Variants in MROH9 observed in about 807,000 individuals in gnomAD.
MROH9 encodes maestro heat like repeat family member 9.
A neutral mutation model predicts 98.2 loss-of-function variants in MROH9; 92 were observed. The ratio of observed to expected loss-of-function variants is 0.94; its 90% CI spans 0.79 to 1.11. MROH9 has a LOEUF of 1.11. Among genes scored for constraint, MROH9 ranks in the 50% most tolerant of loss-of-function variants. MROH9 has a pLI of 0.00. For synonymous variants in MROH9, 397 were observed against 368.9 expected, an observed-to-expected ratio of 1.08 and a Z score of -0.87; for missense variants, 1,057 against 1,014.8, an observed-to-expected ratio of 1.04 and a Z score of -0.57.
intron 1 of MROH9, among the ~76,000 whole-genome samples, chr1:170,941,245 C>T (rs1007601128): frequency 1.3e-5 from 2 of 152,134 alleles, no homozygotes; most frequent in Non-Finnish European, 2.9e-5. Context: ...GGCCATAGGT[C>T]CCTTTGTGGC....
chr1:170,945,526 T>C lies in MROH9; in HGVS notation c.-31T>C. On this transcript the variant is annotated 5_prime_UTR_variant, in exon 2 of 22. Coordinates refer to ENST00000367759, the MANE Select transcript of MROH9 (RefSeq NM_001163629.2). The stretch of plus-strand genomic sequence containing the variant: ...TACGTGATATTTTTTGCAGCATTAC[T>C]AGTAGAAGACTTTAATACACCTCTG... 1 of 1,611,450 alleles carries C rather than the reference T, an allele frequency of 6.2e-7. No individual in the cohort carries two copies. The highest frequency in any genetic ancestry group is 2.2e-5 in the East Asian group (1 of 44,760).
chr1:170,993,559 A>G (rs895307612), intron 12 of MROH9, among the ~76,000 whole-genome samples: 1 of 152,188 alleles, frequency 6.6e-6, no homozygotes, highest in Non-Finnish European at 1.5e-5. Flanking sequence ...AGATTTCTGC[A>G]TGCCAAAACA....
chr1:170,970,202 G>A, intron 7 of MROH9, among the ~76,000 whole-genome samples: 1 of 152,132 alleles, frequency 6.6e-6, no homozygotes, highest in East Asian at 1.9e-4. Context: ...AATCAGAGAG[G>A]ACATTTGAGG....
chr1:171,056,363 CTG>C lies in MROH9; in HGVS notation c.2282-5766_2282-5765del, dbSNP rs569350215. On this transcript the variant is annotated intron_variant, in intron 20 of 21. Transcript: ENST00000367759. ...TGTCCCCAACAGCCCAACATACCAG[CTG>C]TGGAAGACTGCAGCCAGAGGACCTC... Among the ~76,000 whole-genome samples the C allele has an allele frequency of 2.9e-4, 44 of 152,308 alleles. No individual in the cohort carries two copies. The South Asian group carries it at 8.7e-3, about 30-fold the overall frequency.
chr1:170,975,905 T>C (rs1650666198), intron 8 of MROH9, among the ~76,000 whole-genome samples: 1 of 152,202 alleles, frequency 6.6e-6, no homozygotes, highest in Non-Finnish European at 1.5e-5. Flanking sequence ...TTTATGTAAA[T>C]GCCCTTTTTT....
intron 3 of MROH9, among the ~76,000 whole-genome samples, chr1:170,957,837 C>T (rs61815219): frequency 0.071 from 10,308 of 144,606 alleles, 497 homozygotes; most frequent in Non-Finnish European, 0.098. Flanking sequence ...GAGACAGAGT[C>T]TCTCTCTGTC....
intron 15 of MROH9, among the ~76,000 whole-genome samples, chr1:171,010,335 G>T (rs543593761): frequency 2.3e-3 from 354 of 152,222 alleles, no homozygotes; most frequent in African/African-American, 7.9e-3. Flanking sequence ...CCAGTCTATT[G>T]TTGATGGACA....
intron 16 of MROH9, among the ~76,000 whole-genome samples, chr1:171,015,419 G>A (rs1219249754): frequency 6.6e-6 from 1 of 152,078 alleles, no homozygotes; most frequent in East Asian, 1.9e-4. Flanking sequence ...ATATACTGTT[G>A]GTAAAGACAC....
intron 3 of MROH9, among the ~76,000 whole-genome samples, chr1:170,955,320 G>C (rs28843529): frequency 0.85 from 129,700 of 152,106 alleles, 55,787 homozygotes; most frequent in Middle Eastern, 0.98. Flanking sequence ...TTCTTTTCAT[G>C]TGGGTAGATA....
intron 6 of MROH9, among the ~76,000 whole-genome samples, chr1:170,962,244 G>A (rs1242570634): frequency 6.6e-6 from 1 of 152,128 alleles, no homozygotes; most frequent in Non-Finnish European, 1.5e-5. Context: ...AACACAGTTT[G>A]AAGTAGCAGA....
intron 20 of MROH9, among the ~76,000 whole-genome samples, chr1:171,052,760 G>C (rs1571170444): frequency 6.6e-6 from 1 of 152,312 alleles, no homozygotes; most frequent in East Asian, 1.9e-4. Context: ...AGCAAAGAAA[G>C]TGCCACAGCA....
chr1:171,005,025 A>T (rs1651909456), intron 15 of MROH9, among the ~76,000 whole-genome samples: 1 of 151,620 alleles, frequency 6.6e-6, no homozygotes, highest in South Asian at 2.1e-4. Flanking sequence ...TGGAATTTTG[A>T]TGAAGATTAC....
At chr1:171,007,264 G>C (rs573798018) in intron 15 of MROH9, among the ~76,000 whole-genome samples, 90 of 152,292 alleles carry the variant, frequency 5.9e-4, no homozygotes, top group Non-Finnish European at 1.1e-3. Context: ...CTCTTCTCTG[G>C]TTCCTGGGTG....
chr1:170,955,898 C>T (rs546057448), intron 3 of MROH9, among the ~76,000 whole-genome samples: 6 of 152,218 alleles, frequency 3.9e-5, no homozygotes, highest in East Asian at 1.9e-4. Context: ...CCTAAGCCAA[C>T]GTCTAGAAGG....
chr1:171,009,274 A>G (rs1020422134), intron 15 of MROH9, among the ~76,000 whole-genome samples: 9 of 152,106 alleles, frequency 5.9e-5, no homozygotes, highest in Admixed American at 3.3e-4. Context: ...AACTGATGCA[A>G]ATGAATTTAT....
intron 1 of MROH9, among the ~76,000 whole-genome samples, chr1:170,942,820 A>G (rs1426090044): frequency 1.3e-5 from 2 of 152,156 alleles, no homozygotes; most frequent in Admixed American, 6.5e-5. Context: ...TGAACCAAAC[A>G]TAAGCTGGTG....
intron 15 of MROH9, among the ~76,000 whole-genome samples, chr1:171,006,329 G>T (rs1314970561): frequency 3.9e-5 from 6 of 152,044 alleles, no homozygotes; most frequent in African/African-American, 1.4e-4. Context: ...AAGTCTCTTT[G>T]TCTTTTCTGC....
chr1:170,940,722 A>G (rs1649088634), intron 1 of MROH9, among the ~76,000 whole-genome samples: 1 of 152,208 alleles, frequency 6.6e-6, no homozygotes, highest in Admixed American at 6.5e-5. Context: ...TTCACAGTCC[A>G]AATAGATAAT....
At chr1:170,995,671 A>T (rs1651540828) in intron 13 of MROH9, 140 bp downstream of exon 13, 1 of 992,562 alleles carries the variant, frequency 1.0e-6, no homozygotes, top group South Asian at 1.8e-5. Context: ...TCTCCTCTGA[A>T]TGGTAGAATG....
Sources: gnomAD v4.1 joint callset for allele counts (sites outside exome capture counted in the v4.1 genomes callset) on GRCh38, gnomAD v4.1.1 for gene constraint, MANE v1.5 for transcripts, NCBI Gene and HGNC (gene_info 2026-07-23, HGNC 2026-07-21) for gene names.